Variants in CDH12 observed in about 807,000 individuals in gnomAD.
CDH12 encodes cadherin-12.
In CDH12, 41 loss-of-function variants were observed where a neutral mutation model predicts 74.1. The observed-to-expected ratio is 0.55, with a 90% CI of 0.43 to 0.72. The LOEUF (loss-of-function observed/expected upper bound fraction) is 0.72. Among genes scored for constraint, CDH12 ranks in the 30% least tolerant of loss-of-function variants. CDH12 has a pLI of 0.00. For missense variants in CDH12, 945 were observed against 977.2 expected (o/e 0.97, Z 0.44); for synonymous variants, 399 against 355.0 (o/e 1.12, Z -1.39).
chr5:22,385,935 A>G (rs939156584), intron 3 of CDH12, among the ~76,000 whole-genome samples: 8 of 122,010 alleles, frequency 6.6e-5, no homozygotes, highest in African/African-American at 2.6e-4. Context: ...TTTGTTGCCC[A>G]GGCTGAATTA....
intron 4 of CDH12, among the ~76,000 whole-genome samples, chr5:22,103,748 TC>T (rs1744277188): frequency 6.6e-6 from 1 of 152,262 alleles, no homozygotes; most frequent in South Asian, 2.1e-4. Context: ...CATAGTACTT[TC>T]ATTTCTCATT....
chr5:22,717,613 G>A (rs752772020), intron 1 of CDH12, among the ~76,000 whole-genome samples: 3 of 152,236 alleles, frequency 2.0e-5, no homozygotes, highest in East Asian at 1.9e-4. Context: ...GTGGTGGGTC[G>A]ATATCCAATA....
chr5:21,939,978 T>G (rs1173710614), intron 6 of CDH12, among the ~76,000 whole-genome samples: 1 of 152,118 alleles, frequency 6.6e-6, no homozygotes, highest in African/African-American at 2.4e-5. Context: ...CCCAGCACTT[T>G]GGGAGGCCAC....
chr5:22,230,690 C>T (rs1752352594), intron 3 of CDH12, among the ~76,000 whole-genome samples: 1 of 151,778 alleles, frequency 6.6e-6, no homozygotes, highest in Non-Finnish European at 1.5e-5. Context: ...AGAATGGTGT[C>T]GACCTCTTGA....
intron 1 of CDH12, among the ~76,000 whole-genome samples, chr5:22,564,736 T>C (rs1462613531): frequency 6.6e-6 from 1 of 152,174 alleles, no homozygotes; most frequent in African/African-American, 2.4e-5. Context: ...TTTGATTTGT[T>C]GTATTTAACT....
At chr5:21,904,417 G>C (rs7445285) in intron 6 of CDH12, among the ~76,000 whole-genome samples, 111,218 of 151,932 alleles carry the variant, frequency 0.73, 43,301 homozygotes, top group Non-Finnish European at 0.86. Context: ...GAATTCTTGA[G>C]AGTAATCAAA....
chr5:21,910,977 A>C (rs2150063360), intron 6 of CDH12, among the ~76,000 whole-genome samples: 1 of 152,332 alleles, frequency 6.6e-6, no homozygotes, highest in Non-Finnish European at 1.5e-5. Flanking sequence ...TGATGTTTTT[A>C]AAGGCCTTAG....
At chr5:21,969,303 T>C (rs934510190) in intron 6 of CDH12, among the ~76,000 whole-genome samples, 3 of 152,106 alleles carry the variant, frequency 2.0e-5, no homozygotes, top group Non-Finnish European at 4.4e-5. Flanking sequence ...CAGAGCAACA[T>C]GAATCATTGA....
chr5:21,888,106 A>C (rs1469888552), intron 6 of CDH12, among the ~76,000 whole-genome samples: 3 of 152,154 alleles, frequency 2.0e-5, no homozygotes, highest in Non-Finnish European at 4.4e-5. Context: ...TGGGGTAGTA[A>C]CATGCAGGCA....
intron 3 of CDH12, among the ~76,000 whole-genome samples, chr5:22,370,470 A>G (rs1741235631): frequency 6.6e-6 from 1 of 152,210 alleles, no homozygotes; most frequent in African/African-American, 2.4e-5. Context: ...AATTATTTAA[A>G]TCATGTATAT....
chr5:22,153,872 G>GTA (rs369725207), intron 4 of CDH12, among the ~76,000 whole-genome samples: 78,767 of 123,336 alleles, frequency 0.64, 25,239 homozygotes, highest in South Asian at 0.73. Context: ...ATATATATAT[G>GTA]TATATATATA....
intron 3 of CDH12, among the ~76,000 whole-genome samples, chr5:22,334,942 A>T (rs1739509505): frequency 6.6e-6 from 1 of 152,188 alleles, no homozygotes; most frequent in Non-Finnish European, 1.5e-5. Context: ...CTGGACAAAA[A>T]TTTCTTGAGT....
chr5:22,412,321 A>G (rs78138301), intron 2 of CDH12, among the ~76,000 whole-genome samples: 69 of 152,068 alleles, frequency 4.5e-4, no homozygotes, highest in Non-Finnish European at 9.4e-4. Flanking sequence ...AGTCAACTGA[A>G]TTAGATTTCA....
intron 1 of CDH12, among the ~76,000 whole-genome samples, chr5:22,572,669 C>G (rs1739597754): frequency 6.6e-6 from 1 of 152,052 alleles, no homozygotes; most frequent in South Asian, 2.1e-4. Flanking sequence ...CAAAAAACAA[C>G]CCTATCTTTT....
chr5:22,397,096 A>G (rs901360565), intron 3 of CDH12, among the ~76,000 whole-genome samples: 6 of 152,116 alleles, frequency 3.9e-5, no homozygotes, highest in African/African-American at 7.2e-5. Context: ...TAAAAAGACA[A>G]TATCTCCCTG....
chr5:22,031,796 G>A (rs552028653), intron 5 of CDH12, among the ~76,000 whole-genome samples: 19 of 152,168 alleles, frequency 1.2e-4, no homozygotes, highest in East Asian at 1.2e-3. Flanking sequence ...CATCTAATAT[G>A]GGCACAGTTT....
intron 1 of CDH12, among the ~76,000 whole-genome samples, chr5:22,577,863 C>G (rs1739870525): frequency 6.6e-6 from 1 of 152,098 alleles, no homozygotes; most frequent in South Asian, 2.1e-4. Context: ...CAAAGACAAC[C>G]TGATTGCCTC....
intron 5 of CDH12, among the ~76,000 whole-genome samples, chr5:22,055,710 G>A (rs1221629928): frequency 6.6e-6 from 1 of 151,878 alleles, no homozygotes; most frequent in Admixed American, 6.6e-5. Flanking sequence ...GATAATACAT[G>A]TATTAATAAA....
chr5:21,978,425 G>C (rs1281107569), intron 5 of CDH12, among the ~76,000 whole-genome samples: 1 of 152,164 alleles, frequency 6.6e-6, no homozygotes, highest in South Asian at 2.1e-4. Flanking sequence ...TTATCGGCAT[G>C]AGCCACTGCG....
Sources: allele counts gnomAD v4.1 joint callset (sites outside exome capture counted in the v4.1 genomes callset), GRCh38; gene constraint gnomAD v4.1.1; transcripts MANE v1.5; gene names NCBI Gene and HGNC (gene_info 2026-07-23, HGNC 2026-07-21).